HSH2D: variants seen among roughly 807,000 people sequenced by gnomAD.
HSH2D encodes hematopoietic SH2 domain-containing protein.
In HSH2D, 16 loss-of-function variants were observed where a neutral mutation model predicts 21.5. That is an observed-to-expected ratio of 0.74 (90% CI 0.50 to 1.13). The LOEUF (loss-of-function observed/expected upper bound fraction) is 1.13, where lower values mean the gene tolerates loss of function less well. Among genes scored for constraint, HSH2D ranks in the 50% most tolerant of loss-of-function variants. HSH2D has a pLI of 0.00. For missense variants in HSH2D, 418 were observed against 441.4 expected (o/e 0.95, Z 0.47); for synonymous variants, 172 against 184.7 (o/e 0.93, Z 0.56).
At chr19:16,147,622 C>A (rs573525118) in intron 1 of HSH2D, among the ~76,000 whole-genome samples, 6 of 151,366 alleles carry the variant, frequency 4.0e-5, no homozygotes, top group Non-Finnish European at 7.4e-5. Context: ...AAATCACAAG[C>A]CAGTGGTTTT....
intron 1 of HSH2D, among the ~76,000 whole-genome samples, chr19:16,147,075 C>T (rs971122951): frequency 6.6e-6 from 1 of 152,084 alleles, no homozygotes; most frequent in African/African-American, 2.4e-5. Context: ...ATCCACCTGC[C>T]TCAGCCTCCC....
chr19:16,157,946 G>T lies in HSH2D; in HGVS notation c.*152G>T. ...AAAGATGTTTTTGGGGTCTGTTCCT[G>T]CACTCACCCATGGGGTGAGCTGGTT... On this transcript the variant is annotated 3_prime_UTR_variant, in exon 6 of 6. Transcript: ENST00000613986. The surrounding 1 kb of genome is among the most constrained non-coding windows in gnomAD (Gnocchi z 4.4). 1 of 611,208 alleles carries T rather than the reference G, an allele frequency of 1.6e-6. No homozygotes were observed. Among genetic ancestry groups the T allele is most frequent in the South Asian group, 2.0e-5 (1 of 49,034 alleles). 37.9% of individuals were successfully genotyped at this position (611,208 alleles called of 1,614,324 possible).
chr19:16,157,471 G>A lies in HSH2D; in HGVS notation c.736G>A (p.Gly246Arg). ...VRRSTVISGP[G>R]TGKGSQDHSG... ...GAGATCCACGGTGATCTCAGGCCCT[G>A]GGACCGGAAAAGGCAGCCAAGATCA... The change falls in exon 6 of 6, where the codon GGG (glycine) becomes AGG (arginine). Residue 246 changes from glycine to arginine, a missense_variant. Physicochemically the swap from Gly to Arg is moderately radical, Grantham distance 125. Transcript: ENST00000613986. The surrounding 1 kb of genome is among the most constrained non-coding windows in gnomAD (Gnocchi z 4.4). 6.2e-7 allele frequency: 1 copy of A among 1,613,908 alleles called. No homozygotes were observed. Among genetic ancestry groups the A allele is most frequent in the Admixed American group, 1.7e-5 (1 of 59,984 alleles).
intron 2 of HSH2D, 87 bp downstream of exon 2, chr19:16,148,962 C>T: frequency 2.1e-6 from 3 of 1,404,982 alleles, no homozygotes; most frequent in Non-Finnish European, 1.9e-6. Context: ...CTGCAGAATT[C>T]TGGACTTGGC....
intron 1 of HSH2D, among the ~76,000 whole-genome samples, chr19:16,144,686 CT>C (rs35070155): frequency 7.2e-3 from 620 of 85,916 alleles, no homozygotes; most frequent in African/African-American, 0.022. Flanking sequence ...ATTCTAGGCT[CT>C]TTTTTTTTTT....
intron 3 of HSH2D, 74 bp from the exon 4 acceptor site, chr19:16,152,969 C>T (rs549844115): frequency 1.3e-6 from 2 of 1,537,022 alleles, no homozygotes; most frequent in Non-Finnish European, 1.8e-6. Flanking sequence ...GTGACGCTGC[C>T]GGCCCAAGGG....
intron 2 of HSH2D, 128 bp downstream of exon 2, chr19:16,149,003 G>C: frequency 1.9e-5 from 19 of 992,190 alleles, no homozygotes; most frequent in Non-Finnish European, 2.8e-5. Flanking sequence ...GCTAAAATGA[G>C]CTCCAGGCTC....
chr19:16,134,511 C>T (rs2090946772), intron 1 of HSH2D, among the ~76,000 whole-genome samples: 1 of 152,240 alleles, frequency 6.6e-6, no homozygotes, highest in African/African-American at 2.4e-5. Flanking sequence ...TCATTCTTTT[C>T]TGCACACACT....
rs1373173789 is a variant in HSH2D at position 16,152,750 on chromosome 19, A to G, written c.215+109A>G. 3.4e-6 allele frequency: 3 copies of G among 870,638 alleles called. No individual in the cohort carries two copies. The East Asian group carries it at 7.9e-5, about 23-fold the overall frequency. The allele number at this position is 870,638 out of a possible 1,614,324, so 53.9% of individuals were successfully genotyped here. ...GCTTCTCAGAAAGCAGCAGTAACTG[A>G]GGCTGTGGATCTGAGAACGGGAGCT... is the stretch of plus-strand genomic sequence containing the variant. On this transcript the variant is annotated intron_variant, in intron 3 of 5. Coordinates refer to ENST00000613986, the MANE Select transcript of HSH2D (RefSeq NM_001382417.1).
chr19:16,134,352 G>GT (rs2090945348), intron 1 of HSH2D: 1 of 152,202 alleles, frequency 6.6e-6, no homozygotes, highest in African/African-American at 2.4e-5. Context: ...CTCCTACAAA[G>GT]AAAGCAGGGG....
intron 1 of HSH2D, among the ~76,000 whole-genome samples, chr19:16,145,138 A>G (rs1044921099): frequency 1.3e-5 from 2 of 149,244 alleles, no homozygotes; most frequent in Admixed American, 1.3e-4. Flanking sequence ...TCCCGAGTTC[A>G]GATGATTCTC....
At chr19:16,138,899 C>G (rs993442032), upstream of HSH2D, among the ~76,000 whole-genome samples, 2 of 151,888 alleles carry the variant, frequency 1.3e-5, no homozygotes, top group African/African-American at 4.8e-5. Flanking sequence ...CACTCTGTGA[C>G]CCAGGCTGGA....
rs1243457024 is a variant in HSH2D, at chr19:16,157,114, C to G, written c.475-96C>G. 2.0e-6 allele frequency: 2 copies of G among 1,006,784 alleles called. No individual in the cohort carries two copies. Among genetic ancestry groups the G allele is most frequent in the Admixed American group, 6.0e-5 (2 of 33,354 alleles). The allele number at this position is 1,006,784 out of a possible 1,614,324, so 62.4% of individuals were successfully genotyped here. A position where few individuals can be genotyped will look rare whatever the true frequency, so the allele number is the denominator to read the frequency against. On this transcript the variant is annotated intron_variant, in intron 5 of 5. Transcript: ENST00000613986. The surrounding 1 kb of genome is among the most constrained non-coding windows in gnomAD (Gnocchi z 4.4). ...TTCACACGGGGACGTTTCTCAGCCA[C>G]AGGGTGTCTGGGTGGAACCCAGGCT...
chr19:16,156,579 A>T (rs2091239916), intron 5 of HSH2D, among the ~76,000 whole-genome samples: 1 of 152,216 alleles, frequency 6.6e-6, no homozygotes, highest in Admixed American at 6.5e-5. Context: ...GAACCCAGGC[A>T]CGCTCATTGG....
intron 5 of HSH2D, chr19:16,154,877 A>T: frequency 5.5e-6 from 1 of 182,714 alleles, no homozygotes; most frequent in Non-Finnish European, 1.2e-5. Context: ...GACCTAAAGC[A>T]ACACCTTCTG....
chr19:16,138,200 C>T (rs1398737468), intron 1 of HSH2D, among the ~76,000 whole-genome samples: 1 of 152,182 alleles, frequency 6.6e-6, no homozygotes, highest in Non-Finnish European at 1.5e-5. Context: ...TGGAATCATG[C>T]ACTAGGTGGC....
Position 16,157,358 on chromosome 19 carries a change from A to G in HSH2D, c.623A>G (p.Lys208Arg). ...CGCCAGAAACTCTGGAGGAGCCTCA[A>G]AATGCTCCCCGAGAGAGGCCAGAGG... ...ETRQKLWRSL[K>R]MLPERGQRVR... Residue 208 changes from lysine (K) to arginine (R), a missense_variant, in exon 6 of 6, where the codon AAA becomes AGA. Physicochemically the swap from Lys to Arg is conservative, Grantham distance 26. Coordinates refer to ENST00000613986, the MANE Select transcript of HSH2D (RefSeq NM_001382417.1). This position sits in a 1 kb window ranked among gnomAD's most constrained non-coding sequence, Gnocchi z 4.4. 6.2e-7 allele frequency: 1 copy of G among 1,613,936 alleles called. No homozygotes were observed. Among genetic ancestry groups the G allele is most frequent in the Non-Finnish European group, 8.5e-7 (1 of 1,179,870 alleles).
chr19:16,157,829 C>A lies in HSH2D; in HGVS notation c.*35C>A. On this transcript the variant is annotated 3_prime_UTR_variant, in exon 6 of 6. Transcript: ENST00000613986. The surrounding 1 kb of genome is among the most constrained non-coding windows in gnomAD (Gnocchi z 4.4). ...CCACCCTGGCTCTGGGACTCGCTGC[C>A]AGGGGCTGCCACACTCCTGAATGCC... The A allele has an allele frequency of 6.9e-7, 1 of 1,443,784 alleles. No homozygotes were observed. The highest frequency in any genetic ancestry group is 9.3e-7 in the Non-Finnish European group (1 of 1,075,068). The allele number at this position is 1,443,784 out of a possible 1,614,324, so 89.4% of individuals were successfully genotyped here.
chr19:16,143,904 C>T (rs991527467), intron 1 of HSH2D, 130 bp downstream of exon 1: 2 of 237,158 alleles, frequency 8.4e-6, no homozygotes, highest in South Asian at 3.2e-5. Flanking sequence ...GGGAGAGCTT[C>T]GTGGAGGAGG....
Sources: allele counts gnomAD v4.1 joint callset (sites outside exome capture counted in the v4.1 genomes callset), GRCh38; gene constraint gnomAD v4.1.1; non-coding constraint Gnocchi (gnomAD v3.1); transcripts MANE v1.5; gene names NCBI Gene and HGNC (gene_info 2026-07-23, HGNC 2026-07-21).